Variants in PRPF38B observed in about 807,000 individuals in gnomAD.
PRPF38B encodes pre-mRNA processing factor 38B.
Under a neutral mutation model 67.2 loss-of-function variants are expected in PRPF38B, and 18 were observed. The observed-to-expected ratio is 0.27, with a 90% CI of 0.19 to 0.40. The LOEUF is 0.40. Ranked by LOEUF, PRPF38B falls within the 10% of genes least tolerant of loss-of-function variation. The pLI is 1.00. For missense variants in PRPF38B, 544 were observed against 684.9 expected, an observed-to-expected ratio of 0.79 and a Z score of 2.30; for synonymous variants, 246 against 234.2, an observed-to-expected ratio of 1.05 and a Z score of -0.46.
chr1:108,692,544 T>TGGGGGG lies in PRPF38B; in HGVS notation c.-46_-45insGGGGGG. ...TTGTCCCGAAGAGCGAGATCGAGCT[T>TGGGGGG]GGCCCCCTCCCCCCCCTCCTTCCCT... is the stretch of plus-strand genomic sequence containing the variant. On this transcript the variant is annotated 5_prime_UTR_variant, in exon 1 of 6. Transcript: ENST00000370025. 1 of 1,496,410 alleles carries TGGGGGG rather than the reference T, an allele frequency of 6.7e-7. No homozygotes were observed. Among genetic ancestry groups the TGGGGGG allele is most frequent in the Non-Finnish European group, 8.9e-7 (1 of 1,123,864 alleles). 92.7% of individuals were successfully genotyped at this position (1,496,410 alleles called of 1,614,324 possible).
chr1:108,702,052 C>T lies in PRPF38B; in HGVS notation c.*2032C>T, dbSNP rs1394869534. On this transcript the variant is annotated 3_prime_UTR_variant, in exon 6 of 6. Transcript: ENST00000370025. The stretch of plus-strand genomic sequence containing the variant: ...AATGTGGAAAGAATTTAAATTACTT[C>T]ACATGGAGGTGAAAGAACTATCACC... Among the ~76,000 whole-genome samples, 16 of 152,200 alleles carry T rather than the reference C, an allele frequency of 1.1e-4. No homozygotes were observed.
Position 108,701,751 on chromosome 1 carries a change from CAT to C in PRPF38B, c.*1734_*1735del, listed in dbSNP as rs1414569910. On this transcript the variant is annotated 3_prime_UTR_variant, in exon 6 of 6. Transcript: ENST00000370025. ...AAGAGTCCTCCATATGTGGGCTTAA[CAT>C]ATGTACCACTCCATTTTAGAAAAAT... 1 of 152,184 alleles carries C rather than the reference CAT, an allele frequency of 6.6e-6. No individual in the cohort carries two copies. The highest frequency in any genetic ancestry group is 1.5e-5 in the Non-Finnish European group (1 of 68,032). 9.4% of individuals were successfully genotyped at this position (152,184 alleles called of 1,614,324 possible).
intron 4 of PRPF38B, chr1:108,696,672 G>A (rs754052719): frequency 1.1e-5 from 8 of 711,180 alleles, no homozygotes; most frequent in Middle Eastern, 2.8e-4. Context: ...GCTCAAGATC[G>A]AACAGATAAT....
At chr1:108,693,685 C>G (rs1659557421) in intron 1 of PRPF38B, 1 of 935,450 alleles carries the variant, frequency 1.1e-6, no homozygotes, top group Non-Finnish European at 1.3e-6. Flanking sequence ...AATGCATTTC[C>G]CTGGTTAAAT....
At chr1:108,697,538 C>CTTT (rs34770110) in intron 4 of PRPF38B, 3 of 146,070 alleles carry the variant, frequency 2.1e-5, no homozygotes, top group African/African-American at 7.8e-5. Context: ...TTATTTTTCT[C>CTTT]TTTTTTTTTT....
Position 108,702,746 on chromosome 1 carries a change from C to T in PRPF38B, c.*2726C>T, listed in dbSNP as rs540378807. Among the ~76,000 whole-genome samples, 31 of 152,026 alleles carry T rather than the reference C, an allele frequency of 2.0e-4. No homozygotes were observed. The South Asian group carries it at 5.2e-3, about 25-fold the overall frequency. ...GTACATGTATATCTAGGTAACAAAC[C>T]GGCACGTTCTGCACATGTATCTGAA... On this transcript the variant is annotated 3_prime_UTR_variant, in exon 6 of 6. Transcript: ENST00000370025.
intron 4 of PRPF38B, 140 bp downstream of exon 4, chr1:108,696,477 C>A: frequency 1.4e-6 from 1 of 729,842 alleles, no homozygotes. Context: ...GAATTAATGT[C>A]CTTTTACTGA....
At chr1:108,693,873 T>G (rs1327110651) in intron 1 of PRPF38B, among the ~76,000 whole-genome samples, 2 of 152,206 alleles carry the variant, frequency 1.3e-5, no homozygotes, top group African/African-American at 4.8e-5. Context: ...TCTTTAAAAA[T>G]TTTATCCGGA....
In PRPF38B at chr1:108,696,454, T is replaced by G. The variant is rs1557765143; in HGVS notation, c.558+117T>G. 3.3e-6 allele frequency: 3 copies of G among 914,888 alleles called. No individual in the cohort carries two copies. The Admixed American group carries it at 8.3e-5, about 25-fold the overall frequency. The allele number at this position is 914,888 out of a possible 1,614,324, so 56.7% of individuals were successfully genotyped here. A position where few individuals can be genotyped will look rare whatever the true frequency, so the allele number is the denominator to read the frequency against. On this transcript the variant is annotated intron_variant, in intron 4 of 5. Coordinates refer to ENST00000370025, the MANE Select transcript of PRPF38B (RefSeq NM_018061.4). Reference sequence around the variant, plus strand: ...CTTCCTGTAGTTAAATTTATTTCAGTGAGATACTTTTGGAATTAATGTCCT... The same window carrying G: ...CTTCCTGTAGTTAAATTTATTTCAGGGAGATACTTTTGGAATTAATGTCCT...
At chr1:108,698,540 T>C in intron 4 of PRPF38B, 64 bp from the exon 5 acceptor site, 2 of 1,126,196 alleles carry the variant, frequency 1.8e-6, no homozygotes. Flanking sequence ...AATATTTTTA[T>C]AATATTCATG....
In PRPF38B at chr1:108,700,743, A is replaced by C. The variant is rs1660403208; in HGVS notation, c.*723A>C. ...CACTTAGTTTTCCTTTTTTATTTGAAAAAATACATGACATGTAATCTTTTT... is the reference window on the plus strand; with the variant it reads ...CACTTAGTTTTCCTTTTTTATTTGACAAAATACATGACATGTAATCTTTTT... On this transcript the variant is annotated 3_prime_UTR_variant, in exon 6 of 6. Coordinates refer to ENST00000370025, the MANE Select transcript of PRPF38B (RefSeq NM_018061.4). 1 of 152,612 alleles carries C rather than the reference A, an allele frequency of 6.6e-6. No individual in the cohort carries two copies. Among genetic ancestry groups the C allele is most frequent in the South Asian group, 2.1e-4 (1 of 4,830 alleles). 9.5% of individuals were successfully genotyped at this position (152,612 alleles called of 1,614,324 possible).
rs1660461092 is a variant in PRPF38B at position 108,701,235 on chromosome 1, A to G, written c.*1215A>G. The G allele has an allele frequency of 6.6e-6, 1 of 152,524 alleles. No individual in the cohort carries two copies. The highest frequency in any genetic ancestry group is 1.5e-5 in the Non-Finnish European group (1 of 68,012). 9.4% of individuals were successfully genotyped at this position (152,524 alleles called of 1,614,324 possible). A position where few individuals can be genotyped will look rare whatever the true frequency, so the allele number is the denominator to read the frequency against. ...TTTGTTAAATTTTTTTAGCATATTT[A>G]TATTGTGGAAATTGATGAAACGTCA... On this transcript the variant is annotated 3_prime_UTR_variant, in exon 6 of 6. Coordinates refer to ENST00000370025, the MANE Select transcript of PRPF38B (RefSeq NM_018061.4).
Position 108,700,398 on chromosome 1 carries a change from G to A in PRPF38B, c.*378G>A, listed in dbSNP as rs566456937. ...TTTTGTAGGTGTGGGATTATGGTTT[G>A]TGTACTGAAGTTAGCATGGCTGTGC... is the stretch of plus-strand genomic sequence containing the variant. On this transcript the variant is annotated 3_prime_UTR_variant, in exon 6 of 6. Coordinates refer to ENST00000370025, the MANE Select transcript of PRPF38B (RefSeq NM_018061.4). 234 of 167,690 alleles carry A rather than the reference G, an allele frequency of 1.4e-3. 1 individual carries two copies. The highest frequency in any genetic ancestry group is 4.3e-3 in the African/African-American group (182 of 41,880). The allele number at this position is 167,690 out of a possible 1,614,324, so 10.4% of individuals were successfully genotyped here.
In PRPF38B at chr1:108,702,119, G is replaced by T. The variant is rs867849949; in HGVS notation, c.*2099G>T. Among the ~76,000 whole-genome samples, 20 of 152,118 alleles carry T rather than the reference G, an allele frequency of 1.3e-4. No individual in the cohort carries two copies. Among genetic ancestry groups the T allele is most frequent in the South Asian group, 2.1e-4 (1 of 4,826 alleles). ...TGATCGTCACTACATTTGATTTCTTGTGGGTTTTTAGTTTGTTTTTGTTTT... is the reference window on the plus strand; with the variant it reads ...TGATCGTCACTACATTTGATTTCTTTTGGGTTTTTAGTTTGTTTTTGTTTT... On this transcript the variant is annotated 3_prime_UTR_variant, in exon 6 of 6. Coordinates refer to ENST00000370025, the MANE Select transcript of PRPF38B (RefSeq NM_018061.4).
intron 2 of PRPF38B, 128 bp downstream of exon 2, chr1:108,695,898 T>G: frequency 7.4e-7 from 1 of 1,352,948 alleles, no homozygotes. Flanking sequence ...AAGTGTTCAG[T>G]GAAATAGGGT....
At position 108,699,391 on chromosome 1, in the gene PRPF38B, A is replaced by G; in HGVS notation, c.1012A>G (p.Ser338Gly). The G allele has an allele frequency of 6.2e-7, 1 of 1,613,066 alleles. No homozygotes were observed. The highest frequency in any genetic ancestry group is 8.5e-7 in the Non-Finnish European group (1 of 1,179,094). The change falls in exon 6 of 6, where the codon AGT becomes GGT. Residue 338 changes from serine to glycine, a missense_variant. By Grantham distance (56) the Ser-to-Gly change is moderately conservative (BLOSUM62 0). Around this residue, in one of 5 missense-constraint regions of PRPF38B, gnomAD observed 387 missense variants for 386.1 expected, o/e 1.00. Coordinates refer to ENST00000370025, the MANE Select transcript of PRPF38B (RefSeq NM_018061.4). ...RRSRSRERHR[S>G]RSRSRDRKGD... Reference sequence around the variant, plus strand: ...CAGCAGAAGTAGGGAAAGGCATAGAAGTCGCAGTCGAAGTCGTGATAGGAA... The same window carrying G: ...CAGCAGAAGTAGGGAAAGGCATAGAGGTCGCAGTCGAAGTCGTGATAGGAA...
intron 2 of PRPF38B, 93 bp downstream of exon 2, chr1:108,695,863 G>A (rs1659814774): frequency 2.1e-6 from 3 of 1,434,976 alleles, no homozygotes; most frequent in Non-Finnish European, 2.9e-6. Flanking sequence ...ATACACTTGA[G>A]TGACAATTTT....
intron 1 of PRPF38B, among the ~76,000 whole-genome samples, chr1:108,694,119 G>A (rs1290409401): frequency 1.3e-5 from 2 of 152,206 alleles, no homozygotes; most frequent in African/African-American, 4.8e-5. Context: ...GGTTGATAAA[G>A]TACACAAATA....
chr1:108,695,809 C>G lies in PRPF38B; in HGVS notation c.345+39C>G, dbSNP rs143538277. 3.8e-4 allele frequency: 599 copies of G among 1,592,950 alleles called. 6 individuals are homozygous for G. In the East Asian group the frequency reaches 0.013, roughly 34 times the overall value. ...CGTGCATTTTTCAGTTTTTCTGTGT[C>G]TAATAACTAAGTTTATATTTAGAGA... On this transcript the variant is annotated intron_variant, in intron 2 of 5. Transcript: ENST00000370025.
Sources: gnomAD v4.1 joint callset for allele counts (sites outside exome capture counted in the v4.1 genomes callset) on GRCh38, gnomAD v4.1.1 for gene constraint, gnomAD v4.1.1 regional missense constraint, MANE v1.5 for transcripts, NCBI Gene and HGNC (gene_info 2026-07-23, HGNC 2026-07-21) for gene names.